SNTB1: variants seen among roughly 807,000 people sequenced by gnomAD.
SNTB1 encodes the protein beta-1-syntrophin.
In SNTB1, 36 loss-of-function variants were observed where a neutral mutation model predicts 48.9. That is an observed-to-expected ratio of 0.74 (90% confidence interval 0.56 to 0.97). SNTB1 has a LOEUF of 0.97. Among genes scored for constraint, SNTB1 ranks in the 50% least tolerant of loss-of-function variants. SNTB1 has a pLI of 0.00. For missense variants in SNTB1, 786 were observed against 703.4 expected (o/e 1.12, Z -1.33); for synonymous variants, 299 against 294.6 (o/e 1.01, Z -0.15).
chr8:120,543,754 T>G (rs1270165798), intron 5 of SNTB1, among the ~76,000 whole-genome samples: 1 of 152,174 alleles, frequency 6.6e-6, no homozygotes, highest in East Asian at 1.9e-4. Context: ...AAGCTCTGAT[T>G]AAAACATATG....
At chr8:120,692,509 T>C (rs1169118269) in intron 2 of SNTB1, among the ~76,000 whole-genome samples, 1 of 152,182 alleles carries the variant, frequency 6.6e-6, no homozygotes, top group African/African-American at 2.4e-5. Context: ...ATATATGTTT[T>C]CTCTTCTACT....
At chr8:120,649,189 G>A (rs1817359247) in intron 2 of SNTB1, among the ~76,000 whole-genome samples, 1 of 150,956 alleles carries the variant, frequency 6.6e-6, no homozygotes, top group Admixed American at 6.6e-5. Flanking sequence ...TCTCCATCCA[G>A]CTTTGTTCCG....
At chr8:120,747,007 C>T (rs1182287351) in intron 1 of SNTB1, among the ~76,000 whole-genome samples, 2 of 151,352 alleles carry the variant, frequency 1.3e-5, no homozygotes, top group Non-Finnish European at 2.9e-5. Flanking sequence ...GATCTAGGCA[C>T]GGAATACTCG....
intron 3 of SNTB1, among the ~76,000 whole-genome samples, chr8:120,628,886 C>G (rs1024049247): frequency 1.3e-5 from 2 of 152,172 alleles, no homozygotes; most frequent in African/African-American, 4.8e-5. Flanking sequence ...TAGCCAGGTG[C>G]AGTGGCACAC....
At chr8:120,648,317 T>G (rs1196905790) in intron 2 of SNTB1, among the ~76,000 whole-genome samples, 32 of 150,286 alleles carry the variant, frequency 2.1e-4, no homozygotes, top group African/African-American at 7.0e-4. Context: ...GTTGTTCCTT[T>G]CCATGTTTAG....
intron 3 of SNTB1, among the ~76,000 whole-genome samples, chr8:120,629,845 C>T (rs4588896): frequency 0.68 from 104,114 of 152,012 alleles, 35,919 homozygotes; most frequent in East Asian, 0.76. Context: ...TGAAATTACA[C>T]CATAAGAACA....
At chr8:120,544,393 T>A (rs1414948046) in intron 5 of SNTB1, among the ~76,000 whole-genome samples, 1 of 152,210 alleles carries the variant, frequency 6.6e-6, no homozygotes, top group Non-Finnish European at 1.5e-5. Context: ...GAATACATTA[T>A]CAAGTTAATT....
At chr8:120,752,880 G>A (rs910147375) in intron 1 of SNTB1, among the ~76,000 whole-genome samples, 1 of 150,050 alleles carries the variant, frequency 6.7e-6, no homozygotes, top group Admixed American at 6.7e-5. Context: ...TACTATACTC[G>A]CTACCTGGGT....
chr8:120,759,122 A>G (rs570887484), intron 1 of SNTB1, among the ~76,000 whole-genome samples: 1 of 152,236 alleles, frequency 6.6e-6, no homozygotes, highest in South Asian at 2.1e-4. Flanking sequence ...GCTGTTGTTA[A>G]TAACAACAAG....
chr8:120,667,753 T>A (rs1817697738), intron 2 of SNTB1, among the ~76,000 whole-genome samples: 1 of 152,214 alleles, frequency 6.6e-6, no homozygotes, highest in East Asian at 1.9e-4. Context: ...AGTGTTTTTT[T>A]TTCTGGGACA....
intron 4 of SNTB1, among the ~76,000 whole-genome samples, chr8:120,555,947 G>A (rs557561134): frequency 2.8e-4 from 43 of 152,296 alleles, no homozygotes; most frequent in African/African-American, 9.1e-4. Flanking sequence ...AATCCTGACA[G>A]CACCGTGATC....
At chr8:120,702,923 G>T (rs1469953373) in intron 1 of SNTB1, among the ~76,000 whole-genome samples, 1 of 152,100 alleles carries the variant, frequency 6.6e-6, no homozygotes, top group Non-Finnish European at 1.5e-5. Flanking sequence ...TTACCTCAGA[G>T]AATTGTTATA....
At chr8:120,688,080 T>C (rs1338392624) in intron 2 of SNTB1, among the ~76,000 whole-genome samples, 2 of 152,222 alleles carry the variant, frequency 1.3e-5, no homozygotes, top group African/African-American at 4.8e-5. Context: ...CAGCACTTTC[T>C]GTGAATGTTT....
chr8:120,633,240 C>A (rs1181334181), intron 2 of SNTB1, among the ~76,000 whole-genome samples: 1 of 152,118 alleles, frequency 6.6e-6, no homozygotes, highest in African/African-American at 2.4e-5. Flanking sequence ...AATCCTCAAA[C>A]CTGTGGTGTA....
intron 1 of SNTB1, among the ~76,000 whole-genome samples, chr8:120,722,100 G>A (rs1009964220): frequency 1.3e-5 from 2 of 152,100 alleles, no homozygotes; most frequent in African/African-American, 4.8e-5. Context: ...AGTATTCCAT[G>A]GTGTATATGT....
At chr8:120,694,637 C>T (rs181126010) in intron 1 of SNTB1, among the ~76,000 whole-genome samples, 1 of 151,232 alleles carries the variant, frequency 6.6e-6, no homozygotes, top group East Asian at 1.9e-4. Flanking sequence ...GTGGAAAGAC[C>T]TGTAAGATCT....
At position 120,594,990 on chromosome 8, in the gene SNTB1, C is replaced by T. The variant is rs549291361; in HGVS notation, c.997-19765G>A. 1.4e-3 allele frequency among the ~76,000 whole-genome samples: 219 copies of T among 151,992 alleles called. 4 individuals carry two copies. The highest frequency in any genetic ancestry group is 4.6e-3 in the African/African-American group (192 of 41,476). ...ATTTTATGTTATGTATATTTTACCA[C>T]GCATTCACAAAAAAAAGTGAAGGCA... On this transcript the variant is annotated intron_variant, in intron 3 of 6. Transcript: ENST00000517992.
In SNTB1 at chr8:120,646,560, G is replaced by A. The variant is rs1191441635; in HGVS notation, c.789-13909C>T. Among the ~76,000 whole-genome samples, 6 of 151,358 alleles carry A rather than the reference G, an allele frequency of 4.0e-5. 1 individual carries two copies. Among genetic ancestry groups the A allele is most frequent in the South Asian group, 2.1e-4 (1 of 4,748 alleles). On this transcript the variant is annotated intron_variant, in intron 2 of 6. Coordinates refer to ENST00000517992, the MANE Select transcript of SNTB1 (RefSeq NM_021021.4). ...AGCTTTTTGATGTGCTGCTGGATTC[G>A]TTTTGCCAGTATTTTATTGAGGATT...
At position 120,667,709 on chromosome 8, in the gene SNTB1, G is replaced by A. The variant is rs923574875; in HGVS notation, c.788+25983C>T. On this transcript the variant is annotated intron_variant, in intron 2 of 6. Transcript: ENST00000517992. ...CATTGTGAATTTTACCTTATTGAAGGTTGGATATTTTTATATTCCTAAAAC... is the reference window on the plus strand; with the variant it reads ...CATTGTGAATTTTACCTTATTGAAGATTGGATATTTTTATATTCCTAAAAC... 2.0e-5 allele frequency among the ~76,000 whole-genome samples: 3 copies of A among 151,974 alleles called. No homozygotes were observed. The South Asian group carries it at 6.2e-4, about 32-fold the overall frequency.
Sources: allele counts gnomAD v4.1 joint callset (sites outside exome capture counted in the v4.1 genomes callset), GRCh38; gene constraint gnomAD v4.1.1; transcripts MANE v1.5; gene names NCBI Gene and HGNC (gene_info 2026-07-23, HGNC 2026-07-21).